DPF3: variants seen among roughly 807,000 people sequenced by gnomAD.
DPF3 encodes double PHD fingers 3.
Under a neutral mutation model 56.8 loss-of-function variants are expected in DPF3, and 18 were observed. The observed-to-expected ratio is 0.32, with a 90% CI of 0.22 to 0.47. DPF3 has a LOEUF of 0.47. Ranked by LOEUF, DPF3 falls within the 20% of genes least tolerant of loss-of-function variation. The pLI, the probability that DPF3 is intolerant of heterozygous loss-of-function variation, is 1.00. For missense variants in DPF3, 403 were observed against 488.8 expected (o/e 0.82, Z 1.65); for synonymous variants, 188 against 180.2 (o/e 1.04, Z -0.35).
At chr14:72,812,711 A>G (rs1599464114) in intron 1 of DPF3, among the ~76,000 whole-genome samples, 1 of 152,064 alleles carries the variant, frequency 6.6e-6, no homozygotes, top group East Asian at 1.9e-4. Flanking sequence ...GCCACTTGTC[A>G]TGTACACTTT....
chr14:72,777,352 C>T (rs762329543), intron 1 of DPF3, among the ~76,000 whole-genome samples: 8 of 152,210 alleles, frequency 5.3e-5, no homozygotes, highest in Non-Finnish European at 1.0e-4. Flanking sequence ...ACACAGGGGG[C>T]AATATCTGGC....
chr14:72,757,107 G>T (rs1409014906), intron 2 of DPF3, among the ~76,000 whole-genome samples: 2 of 130,634 alleles, frequency 1.5e-5, no homozygotes, highest in Non-Finnish European at 3.3e-5. Context: ...GGGAGAGAGG[G>T]AGGGAGGGAG....
At chr14:72,893,375 G>T (rs1239240589) in intron 1 of DPF3, among the ~76,000 whole-genome samples, 1 of 152,040 alleles carries the variant, frequency 6.6e-6, no homozygotes, top group Non-Finnish European at 1.5e-5. Flanking sequence ...GCAGACACAC[G>T]CTCGATCGCC....
At chr14:72,707,981 A>G (rs1599373764) in intron 6 of DPF3, among the ~76,000 whole-genome samples, 3 of 152,264 alleles carry the variant, frequency 2.0e-5, no homozygotes, top group African/African-American at 7.2e-5. Flanking sequence ...AATGAAAAGC[A>G]CCTCTACAAT....
intron 1 of DPF3, among the ~76,000 whole-genome samples, chr14:72,851,403 C>G (rs764754744): frequency 9.2e-5 from 14 of 152,198 alleles, no homozygotes; most frequent in Non-Finnish European, 1.3e-4. Context: ...TTAACTCACA[C>G]GGCACTATCT....
chr14:72,862,519 T>G (rs2140099716), intron 1 of DPF3, among the ~76,000 whole-genome samples: 1 of 152,180 alleles, frequency 6.6e-6, no homozygotes, highest in South Asian at 2.1e-4. Flanking sequence ...CTCCATCTAC[T>G]CTCAACTCAG....
chr14:72,631,959 T>C (rs1049649069), intron 8 of DPF3, among the ~76,000 whole-genome samples: 3 of 152,102 alleles, frequency 2.0e-5, no homozygotes, highest in African/African-American at 7.2e-5. Flanking sequence ...GGATTCCAAG[T>C]AAGGGGAACA....
chr14:72,702,419 AG>A (rs1454184423), intron 6 of DPF3, among the ~76,000 whole-genome samples: 4 of 152,078 alleles, frequency 2.6e-5, no homozygotes, highest in Non-Finnish European at 5.9e-5. Context: ...AGCTGGGGAT[AG>A]GGAGGGCTTC....
intron 1 of DPF3, among the ~76,000 whole-genome samples, chr14:72,781,618 A>T (rs1200038305): frequency 1.3e-5 from 2 of 152,130 alleles, no homozygotes; most frequent in Middle Eastern, 6.8e-3. Flanking sequence ...TTCTGATGAC[A>T]TACACATCTC....
chr14:72,684,866 C>T (rs1452203368), intron 7 of DPF3, among the ~76,000 whole-genome samples: 1 of 152,120 alleles, frequency 6.6e-6, no homozygotes, highest in Admixed American at 6.5e-5. Context: ...TCAGTGGGGT[C>T]ATGAGGGTGG....
At chr14:72,621,507 C>A (rs1884441720) in intron 9 of DPF3, among the ~76,000 whole-genome samples, 1 of 152,200 alleles carries the variant, frequency 6.6e-6, no homozygotes, top group Non-Finnish European at 1.5e-5. Flanking sequence ...AGGGAGCAAG[C>A]AATGAGGGCT....
intron 1 of DPF3, among the ~76,000 whole-genome samples, chr14:72,838,449 G>A (rs1344366228): frequency 6.6e-6 from 1 of 151,710 alleles, no homozygotes; most frequent in South Asian, 2.1e-4. Flanking sequence ...AGTCGAGATC[G>A]AGCCACTGCA....
In DPF3 at chr14:72,614,092, A is replaced by C. The variant is rs764302500; in HGVS notation, c.*5205T>G. ...CTGCCCAAAGGCCTTGAACCAACCC[A>C]TCTGTCCCATTGTTTCCACACTCAG... On this transcript the variant is annotated 3_prime_UTR_variant, in exon 11 of 11. Transcript: ENST00000556509. 3.3e-5 allele frequency among the ~76,000 whole-genome samples: 5 copies of C among 151,950 alleles called. No homozygotes were observed. Among genetic ancestry groups the C allele is most frequent in the Non-Finnish European group, 7.4e-5 (5 of 68,000 alleles).
intron 7 of DPF3, among the ~76,000 whole-genome samples, chr14:72,690,579 ACAC>A (rs1417016993): frequency 1.1e-4 from 16 of 150,724 alleles, no homozygotes; most frequent in Non-Finnish European, 1.0e-4. Context: ...CAACGTACAT[ACAC>A]AACACGTATA....
chr14:72,663,189 C>T (rs1274837344), intron 8 of DPF3, among the ~76,000 whole-genome samples: 4 of 103,070 alleles, frequency 3.9e-5, no homozygotes, highest in African/African-American at 7.6e-5. Flanking sequence ...AAAAAATTCC[C>T]CTCCACTTAG....
intron 1 of DPF3, among the ~76,000 whole-genome samples, chr14:72,832,588 T>C (rs767874): frequency 0.024 from 3,672 of 152,286 alleles, 138 homozygotes; most frequent in African/African-American, 0.084. Context: ...AAAGTAACCA[T>C]GAACTACAGA....
At chr14:72,683,494 C>T (rs2906132) in intron 7 of DPF3, among the ~76,000 whole-genome samples, 94,169 of 151,904 alleles carry the variant, frequency 0.62, 31,517 homozygotes, top group East Asian at 0.88. Context: ...TCATGTCACC[C>T]GGAAGTCATT....
intron 8 of DPF3, among the ~76,000 whole-genome samples, chr14:72,655,094 A>G (rs528894697): frequency 1.3e-5 from 2 of 152,298 alleles, no homozygotes; most frequent in East Asian, 1.9e-4. Context: ...AGTTGTCTCC[A>G]TCCCCAAACT....
chr14:72,676,577 A>G (rs972829886), intron 7 of DPF3, among the ~76,000 whole-genome samples: 4 of 152,166 alleles, frequency 2.6e-5, no homozygotes, highest in Non-Finnish European at 5.9e-5. Flanking sequence ...GTCATGGGAG[A>G]GACTGAGTAG....
Sources: gnomAD v4.1 joint callset for allele counts (sites outside exome capture counted in the v4.1 genomes callset) on GRCh38, gnomAD v4.1.1 for gene constraint, MANE v1.5 for transcripts, NCBI Gene and HGNC (gene_info 2026-07-23, HGNC 2026-07-21) for gene names.